LEKR1: variants seen among roughly 807,000 people sequenced by gnomAD.
The protein encoded by LEKR1 is protein LEKR1.
In LEKR1, 59 loss-of-function variants were observed where a neutral mutation model predicts 72.4. The ratio of observed to expected loss-of-function variants is 0.82; its 90% CI spans 0.66 to 1.01. LEKR1 has a LOEUF of 1.01. Among genes scored for constraint, LEKR1 ranks in the 50% least tolerant of loss-of-function variants. The pLI is 0.00. For missense variants in LEKR1, 728 were observed against 759.2 expected, an observed-to-expected ratio of 0.96 and a Z score of 0.48; for synonymous variants, 257 against 263.2, an observed-to-expected ratio of 0.98 and a Z score of 0.23.
chr3:156,842,243 A>G (rs1241738813), intron 2 of LEKR1, among the ~76,000 whole-genome samples: 3 of 152,218 alleles, frequency 2.0e-5, no homozygotes, highest in Admixed American at 1.3e-4. Context: ...ATGTGAAGAA[A>G]CAAAGACTTT....
chr3:156,930,220 A>C (rs75488346), intron 5 of LEKR1, among the ~76,000 whole-genome samples: 1 of 152,310 alleles, frequency 6.6e-6, no homozygotes, highest in African/African-American at 2.4e-5. Flanking sequence ...GAAATTATTC[A>C]ATTTGAAGAA....
intron 2 of LEKR1, among the ~76,000 whole-genome samples, chr3:156,830,949 T>G (rs1310069655): frequency 2.0e-5 from 3 of 152,204 alleles, no homozygotes; most frequent in Admixed American, 6.5e-5. Context: ...GGGTTTTTGG[T>G]TTCTTTTTTA....
intron 3 of LEKR1, among the ~76,000 whole-genome samples, chr3:156,885,929 C>T (rs1377365568): frequency 6.6e-6 from 1 of 152,152 alleles, no homozygotes; most frequent in South Asian, 2.1e-4. Context: ...AGAGCACCAG[C>T]TGTGGTAGTA....
At chr3:156,903,222 T>G (rs866238714) in intron 3 of LEKR1, among the ~76,000 whole-genome samples, 20 of 152,288 alleles carry the variant, frequency 1.3e-4, no homozygotes, top group Middle Eastern at 6.8e-3. Flanking sequence ...GCCTTTCCAT[T>G]GTAATTTGAC....
At chr3:157,027,353 A>G (rs896152920) in intron 11 of LEKR1, among the ~76,000 whole-genome samples, 1 of 152,142 alleles carries the variant, frequency 6.6e-6, no homozygotes, top group Non-Finnish European at 1.5e-5. Context: ...TCCTCCAGCC[A>G]TTATATACAA....
At chr3:156,924,701 A>G in intron 4 of LEKR1, 1 of 417,474 alleles carries the variant, frequency 2.4e-6, no homozygotes, top group Non-Finnish European at 4.2e-6. Context: ...TGTTTGTTAG[A>G]GGCCAATTTT....
chr3:157,035,985 A>T (rs898997223), intron 12 of LEKR1, among the ~76,000 whole-genome samples: 1 of 152,228 alleles, frequency 6.6e-6, no homozygotes, highest in African/African-American at 2.4e-5. Flanking sequence ...CAGTCTACCT[A>T]CTTAGAAGGA....
intron 6 of LEKR1, among the ~76,000 whole-genome samples, chr3:156,965,826 G>A (rs1728510522): frequency 6.6e-6 from 1 of 152,118 alleles, no homozygotes; most frequent in Admixed American, 6.5e-5. Context: ...TATTGACACA[G>A]TTAAGTACTT....
At chr3:157,015,261 A>T (rs1371025145) in intron 10 of LEKR1, among the ~76,000 whole-genome samples, 1 of 152,138 alleles carries the variant, frequency 6.6e-6, no homozygotes, top group Non-Finnish European at 1.5e-5. Context: ...AGAGAGTTGC[A>T]CAGGGAAGAA....
chr3:156,872,402 C>T (rs920920253), intron 3 of LEKR1, among the ~76,000 whole-genome samples: 1 of 151,696 alleles, frequency 6.6e-6, no homozygotes, highest in Non-Finnish European at 1.5e-5. Context: ...TTTCATTGAT[C>T]CTTTTTATTT....
At position 157,028,343 on chromosome 3, in the gene LEKR1, AAAAGAGTAATGCTGGCTC is replaced by A. The variant is rs1374958888; in HGVS notation, c.1613_1630del (p.Arg538_Gln543del). ...AATGGAACAGAAGTCGGATGAACTG[AAAAGAGTAATGCTGGCTC>A]AAACACAACTGATAGAGCAATTTAA... On this transcript the variant is annotated inframe_deletion, in exon 12 of 13. Coordinates refer to ENST00000356539, the MANE Select transcript of LEKR1 (RefSeq NM_001004316.3). 1 of 1,613,140 alleles carries A rather than the reference AAAAGAGTAATGCTGGCTC, an allele frequency of 6.2e-7. No homozygotes were observed. The highest frequency in any genetic ancestry group is 8.5e-7 in the Non-Finnish European group (1 of 1,179,630).
intron 7 of LEKR1, among the ~76,000 whole-genome samples, chr3:156,987,731 G>A (rs1730820069): frequency 6.6e-6 from 1 of 152,162 alleles, no homozygotes; most frequent in Non-Finnish European, 1.5e-5. Flanking sequence ...TACATGTAAT[G>A]TGATAACATG....
At chr3:156,978,798 T>C (rs751926887) in intron 6 of LEKR1, among the ~76,000 whole-genome samples, 7 of 152,218 alleles carry the variant, frequency 4.6e-5, no homozygotes, top group Non-Finnish European at 1.0e-4. Flanking sequence ...TCAGCCATGC[T>C]TCACAGTTCC....
chr3:156,963,438 A>G (rs1728295598), intron 6 of LEKR1, among the ~76,000 whole-genome samples: 1 of 152,126 alleles, frequency 6.6e-6, no homozygotes, highest in Admixed American at 6.6e-5. Context: ...ATCCACATTT[A>G]TGGGCTGACA....
chr3:156,951,812 C>A (rs189835586), intron 6 of LEKR1, among the ~76,000 whole-genome samples: 1 of 151,588 alleles, frequency 6.6e-6, no homozygotes, highest in Admixed American at 6.6e-5. Flanking sequence ...CTTCTGGATT[C>A]ATTGATCTTT....
intron 6 of LEKR1, among the ~76,000 whole-genome samples, chr3:156,945,947 C>T (rs1233847915): frequency 1.1e-4 from 16 of 151,454 alleles, no homozygotes; most frequent in Admixed American, 9.9e-4. Context: ...TTTTGTGATT[C>T]CATCTAAATT....
intron 6 of LEKR1, among the ~76,000 whole-genome samples, chr3:156,946,486 T>C (rs923812658): frequency 6.6e-6 from 1 of 151,384 alleles, no homozygotes; most frequent in Non-Finnish European, 1.5e-5. Context: ...TGTTGAATAA[T>C]GGTGGTGAAA....
chr3:156,993,185 G>A lies in LEKR1; in HGVS notation c.1017G>A (p.Lys339=), dbSNP rs2108009857. 6.2e-7 allele frequency: 1 copy of A among 1,612,108 alleles called. No homozygotes were observed. Among genetic ancestry groups the A allele is most frequent in the Non-Finnish European group, 8.5e-7 (1 of 1,178,596 alleles). Residue 339 remains lysine, a synonymous_variant, in exon 9 of 13, where the codon AAG becomes AAA. Coordinates refer to ENST00000356539, the MANE Select transcript of LEKR1 (RefSeq NM_001004316.3). ...AAGAAAAGCAAGAAGAAGACATAAA[G>A]AGAAGAATTAACCTTGCAGAAAATG... The part of the protein sequence containing the change: ...TVKEKQEEDI[K]RRINLAENEL...
intron 7 of LEKR1, among the ~76,000 whole-genome samples, chr3:156,981,259 C>T (rs921974920): frequency 1.2e-4 from 19 of 152,138 alleles, no homozygotes; most frequent in African/African-American, 4.6e-4. Flanking sequence ...AATGACTGTG[C>T]ATGGAGCCTG....
Sources: allele counts gnomAD v4.1 joint callset (sites outside exome capture counted in the v4.1 genomes callset), GRCh38; gene constraint gnomAD v4.1.1; transcripts MANE v1.5; gene names NCBI Gene and HGNC (gene_info 2026-07-23, HGNC 2026-07-21).